Variants in ATP6V1C1 observed in about 807,000 individuals in gnomAD.
ATP6V1C1 encodes ATPase H+ transporting V1 subunit C1.
ATP6V1C1 carries 45 observed loss-of-function variants against 53.9 expected under a neutral mutation model. The ratio of observed to expected loss-of-function variants is 0.83; its 90% CI spans 0.66 to 1.07. ATP6V1C1 has a LOEUF of 1.07. Ranked by LOEUF, ATP6V1C1 falls within the 50% of genes least tolerant of loss-of-function variation. The probability of loss-of-function intolerance (pLI) is 0.00; values close to 1 mark genes in which losing one functional copy is unlikely to be tolerated. For synonymous variants in ATP6V1C1, 153 were observed against 155.2 expected, an observed-to-expected ratio of 0.99 and a Z score of 0.11; for missense variants, 315 against 440.3, an observed-to-expected ratio of 0.72 and a Z score of 2.55.
At chr8:103,022,510 G>C (rs1816615737) in intron 1 of ATP6V1C1, among the ~76,000 whole-genome samples, 1 of 152,098 alleles carries the variant, frequency 6.6e-6, no homozygotes, top group Non-Finnish European at 1.5e-5. Flanking sequence ...GGCAAGCAGA[G>C]GGGATGGATT....
rs548111640 is a variant in ATP6V1C1 at position 103,029,737 on chromosome 8, A to T, written c.-40+8512A>T. On this transcript the variant is annotated intron_variant, in intron 1 of 12. Coordinates refer to ENST00000518738, the MANE Select transcript of ATP6V1C1 (RefSeq NM_001695.5). The stretch of plus-strand genomic sequence containing the variant: ...TTCATGCTTTATTTTATTTAAAAAA[A>T]ATTTTTTTTTTTTGAGATGGAGTCT... 7.5e-3 allele frequency among the ~76,000 whole-genome samples: 1,139 copies of T among 151,920 alleles called. 8 individuals are homozygous for T. The highest frequency in any genetic ancestry group is 8.9e-3 in the Non-Finnish European group (605 of 67,932).
chr8:103,043,878 A>C (rs1363151210), intron 3 of ATP6V1C1, among the ~76,000 whole-genome samples: 1 of 151,804 alleles, frequency 6.6e-6, no homozygotes, highest in Non-Finnish European at 1.5e-5. Context: ...CTGTTCTGTG[A>C]GTTGTCTTCA....
chr8:103,030,969 C>G, intron 1 of ATP6V1C1, among the ~76,000 whole-genome samples: 1 of 152,074 alleles, frequency 6.6e-6, no homozygotes, highest in East Asian at 1.9e-4. Context: ...TAGAGTAAGG[C>G]CTTAGATCTA....
chr8:103,039,178 C>T lies in ATP6V1C1; in HGVS notation c.-39-1620C>T, dbSNP rs905638222. ...TAAATGGGAAGCATGATATTTACCT[C>T]GTAGAGGTGTTGGGAAGATGAATTG... On this transcript the variant is annotated intron_variant, in intron 1 of 12. Coordinates refer to ENST00000518738, the MANE Select transcript of ATP6V1C1 (RefSeq NM_001695.5). Among the ~76,000 whole-genome samples, 4 of 152,030 alleles carry T rather than the reference C, an allele frequency of 2.6e-5. 1 individual carries two copies. The highest frequency in any genetic ancestry group is 2.0e-4 in the Admixed American group (3 of 15,274).
intron 10 of ATP6V1C1, 50 bp downstream of exon 10, chr8:103,063,278 T>C (rs1419321282): frequency 8.3e-7 from 1 of 1,200,052 alleles, no homozygotes; most frequent in Non-Finnish European, 1.2e-6. Flanking sequence ...GAAGAAAAAG[T>C]GGTATTGCTT....
intron 1 of ATP6V1C1, among the ~76,000 whole-genome samples, chr8:103,035,860 G>C (rs1257114858): frequency 2.0e-5 from 3 of 152,156 alleles, no homozygotes; most frequent in Non-Finnish European, 4.4e-5. Context: ...AGTATACTTT[G>C]AATCTCGAAT....
intron 1 of ATP6V1C1, among the ~76,000 whole-genome samples, chr8:103,027,944 T>C (rs912075364): frequency 6.6e-6 from 1 of 152,196 alleles, no homozygotes; most frequent in Non-Finnish European, 1.5e-5. Context: ...TTTGTTTGTT[T>C]TGTTTCTCAG....
intron 8 of ATP6V1C1, 62 bp from the exon 9 acceptor site, chr8:103,062,893 C>T: frequency 6.9e-7 from 1 of 1,445,224 alleles, no homozygotes. Context: ...CTGAATTTTG[C>T]CCTTAATATG....
intron 3 of ATP6V1C1, among the ~76,000 whole-genome samples, chr8:103,048,309 A>G (rs1374655659): frequency 6.6e-6 from 1 of 152,212 alleles, no homozygotes; most frequent in East Asian, 1.9e-4. Flanking sequence ...GCACCAACCT[A>G]ATAGTTTTGG....
intron 7 of ATP6V1C1, among the ~76,000 whole-genome samples, chr8:103,054,197 A>G (rs982307832): frequency 1.3e-5 from 2 of 152,086 alleles, no homozygotes; most frequent in African/African-American, 4.8e-5. Flanking sequence ...TGAGTTTCCA[A>G]ATCAAATTTA....
At chr8:103,025,431 G>A (rs796773489) in intron 1 of ATP6V1C1, among the ~76,000 whole-genome samples, 1 of 152,280 alleles carries the variant, frequency 6.6e-6, no homozygotes, top group African/African-American at 2.4e-5. Context: ...TTATTTGTTG[G>A]ACAAATATTA....
intron 11 of ATP6V1C1, among the ~76,000 whole-genome samples, chr8:103,065,137 A>G (rs558886098): frequency 1.2e-4 from 18 of 152,368 alleles, no homozygotes; most frequent in Middle Eastern, 3.4e-3. Context: ...CATTGGATAC[A>G]TAGTATGCTA....
intron 1 of ATP6V1C1, among the ~76,000 whole-genome samples, chr8:103,030,531 C>T (rs1029899709): frequency 6.6e-6 from 1 of 152,198 alleles, no homozygotes; most frequent in Non-Finnish European, 1.5e-5. Context: ...TGCTTCCAGA[C>T]ATCGGACAAT....
At chr8:103,036,914 CAG>C (rs1816909090) in intron 1 of ATP6V1C1, among the ~76,000 whole-genome samples, 1 of 152,250 alleles carries the variant, frequency 6.6e-6, no homozygotes, top group African/African-American at 2.4e-5. Flanking sequence ...GATATACTAA[CAG>C]AAAACCACTT....
At position 103,063,038 on chromosome 8, in the gene ATP6V1C1, GAGA is replaced by G; in HGVS notation, c.727_729del (p.Glu243del). ...GTTGATGACTTCAGACACAAAGCCA[GAGA>G]AAACAAGTAAGATTATTGTTTTTTT... On this transcript the variant is annotated inframe_deletion, in exon 9 of 13. Transcript: ENST00000518738. 1 of 1,613,686 alleles carries G rather than the reference GAGA, an allele frequency of 6.2e-7. No individual in the cohort carries two copies. The highest frequency in any genetic ancestry group is 8.5e-7 in the Non-Finnish European group (1 of 1,179,778).
intron 1 of ATP6V1C1, among the ~76,000 whole-genome samples, chr8:103,023,908 G>GA (rs1411320727): frequency 1.3e-5 from 2 of 151,302 alleles, no homozygotes; most frequent in Non-Finnish European, 2.9e-5. Flanking sequence ...TTTTTTTTGG[G>GA]GGGGGGGAAC....
At chr8:103,024,759 C>T (rs565785484) in intron 1 of ATP6V1C1, among the ~76,000 whole-genome samples, 1 of 152,334 alleles carries the variant, frequency 6.6e-6, no homozygotes, top group East Asian at 1.9e-4. Context: ...TCTAAAATTT[C>T]CTATTGACAT....
At chr8:103,038,660 A>G (rs1816940734) in intron 1 of ATP6V1C1, among the ~76,000 whole-genome samples, 1 of 152,238 alleles carries the variant, frequency 6.6e-6, no homozygotes, top group Non-Finnish European at 1.5e-5. Context: ...GGAATACCAT[A>G]TATCAATTAA....
chr8:103,062,917 C>T (rs748087853), intron 8 of ATP6V1C1, 38 bp from the exon 9 acceptor site: 46 of 1,572,146 alleles, frequency 2.9e-5, no homozygotes, highest in Non-Finnish European at 3.6e-5. Flanking sequence ...GACAGCAATA[C>T]GTATAAATCT....
Sources: gnomAD v4.1 joint callset for allele counts (sites outside exome capture counted in the v4.1 genomes callset) on GRCh38, gnomAD v4.1.1 for gene constraint, MANE v1.5 for transcripts, NCBI Gene and HGNC (gene_info 2026-07-23, HGNC 2026-07-21) for gene names.